The following FGF14 variants were observed in gnomAD, a reference collection of about 807,000 sequenced individuals.
FGF14 encodes the protein fibroblast growth factor 14.
A neutral mutation model predicts 25.5 loss-of-function variants in FGF14; 5 were observed. That is an observed-to-expected ratio of 0.20 (90% CI 0.10 to 0.41). The LOEUF (loss-of-function observed/expected upper bound fraction) is 0.41, where lower values mean the gene tolerates loss of function less well. Ranked by LOEUF, FGF14 falls within the 10% of genes least tolerant of loss-of-function variation. The pLI is 1.00. For synonymous variants in FGF14, 138 were observed against 118.3 expected, an observed-to-expected ratio of 1.17 and a Z score of -1.08; for missense variants, 222 against 320.1, an observed-to-expected ratio of 0.69 and a Z score of 2.34.
At chr13:101,795,700 T>C (rs531391228) in intron 3 of FGF14, among the ~76,000 whole-genome samples, 2 of 152,246 alleles carry the variant, frequency 1.3e-5, no homozygotes, top group Admixed American at 6.5e-5. Context: ...AAACCTGCCA[T>C]GACAATTACT....
At chr13:102,370,501 T>C (rs369820784) in intron 1 of FGF14, among the ~76,000 whole-genome samples, 2 of 152,100 alleles carry the variant, frequency 1.3e-5, no homozygotes, top group East Asian at 3.9e-4. Context: ...TCCTCCCACC[T>C]CGGCCTCCTG....
At position 102,048,018 on chromosome 13, in the gene FGF14, T is replaced by TA. The variant is rs3066009; in HGVS notation, c.209-172723dup. ...AGCCCGGTTTATTATCTTAGTTGTTTAAAAAAAAAAAAAGCAGCAGTTGAT... is the reference window on the plus strand; with the variant it reads ...AGCCCGGTTTATTATCTTAGTTGTTTAAAAAAAAAAAAAAGCAGCAGTTGAT... On this transcript the variant is annotated intron_variant, in intron 1 of 4. Transcript: ENST00000376131. Among the ~76,000 whole-genome samples the TA allele has an allele frequency of 7.2e-3, 1,033 of 142,898 alleles. 4 individuals carry two copies. Among genetic ancestry groups the TA allele is most frequent in the African/African-American group, 0.013 (511 of 39,276 alleles). 93.7% of individuals were successfully genotyped at this position (142,898 alleles called of 152,430 possible).
chr13:101,870,826 G>A (rs1369732767), intron 2 of FGF14, among the ~76,000 whole-genome samples: 2 of 152,060 alleles, frequency 1.3e-5, no homozygotes, highest in Non-Finnish European at 2.9e-5. Context: ...GGTGGGGCAT[G>A]CCTGTAATCC....
At chr13:102,153,528 G>T (rs1156581922) in intron 1 of FGF14, among the ~76,000 whole-genome samples, 2 of 152,050 alleles carry the variant, frequency 1.3e-5, no homozygotes, top group Admixed American at 1.3e-4. Context: ...GTTTTATATG[G>T]ATCAAATGAG....
At chr13:102,179,558 T>C (rs2048584581) in intron 1 of FGF14, among the ~76,000 whole-genome samples, 1 of 152,148 alleles carries the variant, frequency 6.6e-6, no homozygotes, top group Non-Finnish European at 1.5e-5. Flanking sequence ...ATAATGCTTA[T>C]TATGCACCAG....
chr13:102,092,401 C>G (rs985048253), intron 1 of FGF14, among the ~76,000 whole-genome samples: 1 of 152,096 alleles, frequency 6.6e-6, no homozygotes, highest in African/African-American at 2.4e-5. Flanking sequence ...CACATCATGT[C>G]TTAGAGTAAT....
At chr13:101,780,251 T>TA (rs2039407192) in intron 3 of FGF14, among the ~76,000 whole-genome samples, 1 of 152,220 alleles carries the variant, frequency 6.6e-6, no homozygotes. Flanking sequence ...AGTTGTAAAA[T>TA]ACTACAAACT....
intron 1 of FGF14, among the ~76,000 whole-genome samples, chr13:102,092,178 T>C (rs567914607): frequency 3.8e-4 from 58 of 152,336 alleles, no homozygotes; most frequent in African/African-American, 1.4e-3. Context: ...CCCTGATTTG[T>C]AGTGCAGTTC....
intron 3 of FGF14, among the ~76,000 whole-genome samples, chr13:101,785,792 G>A (rs1040880127): frequency 4.6e-5 from 7 of 152,078 alleles, no homozygotes; most frequent in African/African-American, 1.7e-4. Context: ...TCAAGTGTAA[G>A]GTGTATTGAA....
rs182212435 is a variant in FGF14, at chr13:102,239,291, G to A, written c.208+162180C>T. 6.6e-5 allele frequency among the ~76,000 whole-genome samples: 10 copies of A among 152,226 alleles called. No individual in the cohort carries two copies. In the East Asian group the frequency reaches 1.4e-3, roughly 21 times the overall value. On this transcript the variant is annotated intron_variant, in intron 1 of 4. Transcript: ENST00000376131. Reference sequence around the variant, plus strand: ...TTGTTTGTTTTCTGTTCAAAGAAATGTCTAGTGTACTTATCAGACGAACTA... The same window carrying A: ...TTGTTTGTTTTCTGTTCAAAGAAATATCTAGTGTACTTATCAGACGAACTA...
chr13:101,959,398 T>C (rs1439382964), intron 1 of FGF14, among the ~76,000 whole-genome samples: 1 of 152,146 alleles, frequency 6.6e-6, no homozygotes. Context: ...ACAAAATTTG[T>C]TTAACTACAG....
chr13:102,161,700 GAA>G (rs2047771137), intron 1 of FGF14, among the ~76,000 whole-genome samples: 1 of 138,778 alleles, frequency 7.2e-6, no homozygotes, highest in Non-Finnish European at 1.6e-5. Context: ...AGAAGAAGAA[GAA>G]GAAGAAGAAG....
intron 1 of FGF14, among the ~76,000 whole-genome samples, chr13:101,934,973 T>C (rs542485194): frequency 6.6e-6 from 1 of 152,354 alleles, no homozygotes; most frequent in South Asian, 2.1e-4. Context: ...AGACACGATA[T>C]TGTACATATT....
intron 3 of FGF14, among the ~76,000 whole-genome samples, chr13:101,737,968 G>A (rs2036296825): frequency 1.3e-5 from 2 of 152,000 alleles, no homozygotes; most frequent in African/African-American, 4.8e-5. Context: ...TAAAATGAAA[G>A]CTTTCATAGA....
At chr13:102,053,097 C>T (rs1268994331) in intron 1 of FGF14, among the ~76,000 whole-genome samples, 1 of 151,354 alleles carries the variant, frequency 6.6e-6, no homozygotes, top group Non-Finnish European at 1.5e-5. Context: ...TGGCAAAACA[C>T]TAGAGAAAAA....
intron 1 of FGF14, among the ~76,000 whole-genome samples, chr13:102,356,754 C>T (rs367941827): frequency 6.6e-6 from 1 of 151,872 alleles, no homozygotes; most frequent in East Asian, 1.9e-4. Context: ...CTTTTAATAG[C>T]ATTATTATTT....
At chr13:101,859,573 A>G (rs2044302400) in intron 3 of FGF14, among the ~76,000 whole-genome samples, 1 of 152,164 alleles carries the variant, frequency 6.6e-6, no homozygotes, top group Non-Finnish European at 1.5e-5. Flanking sequence ...ACTCCTCAGC[A>G]TATATTTAAG....
intron 1 of FGF14, among the ~76,000 whole-genome samples, chr13:102,040,848 T>A (rs2041697514): frequency 6.6e-6 from 1 of 152,180 alleles, no homozygotes; most frequent in South Asian, 2.1e-4. Flanking sequence ...TAATTTATGC[T>A]CTGACTCATT....
intron 1 of FGF14, among the ~76,000 whole-genome samples, chr13:102,348,088 T>C (rs1040735303): frequency 1.3e-5 from 2 of 151,864 alleles, no homozygotes; most frequent in Non-Finnish European, 2.9e-5. Context: ...AGCTTTGATG[T>C]GGGCAAGTGT....
Sources: gnomAD v4.1 joint callset for allele counts (sites outside exome capture counted in the v4.1 genomes callset) on GRCh38, gnomAD v4.1.1 for gene constraint, MANE v1.5 for transcripts, NCBI Gene and HGNC (gene_info 2026-07-23, HGNC 2026-07-21) for gene names.